The following MYH16 variants were observed in gnomAD, a reference collection of about 807,000 sequenced individuals.
The protein encoded by MYH16 is putative uncharacterized protein MYH16.
chr7:99,262,633 C>T (rs114427590), intron 13 of MYH16, among the ~76,000 whole-genome samples: 2,125 of 152,334 alleles, frequency 0.014, 53 homozygotes, highest in African/African-American at 0.049. Flanking sequence ...CCTCTACTTA[C>T]CTCACTTCTC....
In MYH16 at chr7:99,291,840, T is replaced by C. The variant is rs575962391; in HGVS notation, n.3952+390T>C. ...TGGGCATGGTGGTGAGTGCCTATAA[T>C]CCCAGCTACTTGGGAGGCCGACACA... On this transcript the variant is annotated intron_variant and non_coding_transcript_variant, in intron 31 of 41. Transcript: ENST00000439784. 3.6e-3 allele frequency among the ~76,000 whole-genome samples: 540 copies of C among 151,824 alleles called. 4 individuals carry two copies. Among genetic ancestry groups the C allele is most frequent in the South Asian group, 0.016 (78 of 4,792 alleles).
downstream of MYH16, among the ~76,000 whole-genome samples, chr7:99,307,565 T>TA (rs1025036074): frequency 1.8e-4 from 27 of 149,768 alleles, no homozygotes; most frequent in East Asian, 2.0e-4. Context: ...TCTACAAAAA[T>TA]AAAAAAAAAT....
intron 1 of MYH16, among the ~76,000 whole-genome samples, chr7:99,240,345 G>A (rs1791652991): frequency 2.0e-5 from 3 of 152,102 alleles, no homozygotes; most frequent in Admixed American, 6.6e-5. Flanking sequence ...GCTGCCAAGA[G>A]GGAGGCATGA....
intron 33 of MYH16, among the ~76,000 whole-genome samples, chr7:99,294,773 C>T (rs956036152): frequency 6.6e-6 from 1 of 151,942 alleles, no homozygotes; most frequent in Admixed American, 6.6e-5. Context: ...ATCATGTTGG[C>T]CAGGCTGGTC....
At chr7:99,250,632 C>T (rs1791798496) in intron 5 of MYH16, among the ~76,000 whole-genome samples, 1 of 152,180 alleles carries the variant, frequency 6.6e-6, no homozygotes, top group Non-Finnish European at 1.5e-5. Flanking sequence ...GTCCCAGCTA[C>T]TCAGGGGGCT....
chr7:99,239,552 G>A (rs1563100789), intron 1 of MYH16, among the ~76,000 whole-genome samples: 1 of 152,104 alleles, frequency 6.6e-6, no homozygotes, highest in Non-Finnish European at 1.5e-5. Flanking sequence ...GGATGTGATG[G>A]CTTCCGATGG....
At chr7:99,284,652 C>T (rs1792251895) in intron 25 of MYH16, among the ~76,000 whole-genome samples, 193 bp from the exon 8 acceptor site, 1 of 152,140 alleles carries the variant, frequency 6.6e-6, no homozygotes, top group Admixed American at 6.5e-5. Context: ...ACCTGAGGAG[C>T]TCATTCAGGG....
chr7:99,246,209 AAAAAAAAAAAGAAAGAAAAG>A (rs1791727236), intron 2 of MYH16, among the ~76,000 whole-genome samples: 2 of 151,102 alleles, frequency 1.3e-5, no homozygotes, highest in Non-Finnish European at 3.0e-5. Context: ...CTGTCTCTAA[AAAAAAAAAAAGAAAGAAAAG>A]AAAAAAAAAA....
intron 18 of MYH16, among the ~76,000 whole-genome samples, chr7:99,269,614 C>T (rs1437481285): frequency 6.6e-6 from 1 of 152,132 alleles, no homozygotes; most frequent in South Asian, 2.1e-4. Flanking sequence ...AGCACATATG[C>T]CTGCAGGTCG....
intron 5 of MYH16, among the ~76,000 whole-genome samples, chr7:99,250,776 A>G (rs13438315): frequency 0.11 from 16,449 of 151,994 alleles, 1,291 homozygotes; most frequent in African/African-American, 0.22. Flanking sequence ...GAGGGGTTTC[A>G]GACTGCTCAG....
intron 21 of MYH16, 23 bp from the exon 4 acceptor site, chr7:99,279,487 A>G (rs552913084): frequency 2.2e-6 from 1 of 454,984 alleles, no homozygotes; most frequent in African/African-American, 2.0e-5. Flanking sequence ...CCTGTCCTCG[A>G]CCGGGGCTCT....
At position 99,304,957 on chromosome 7, in the gene MYH16, G is replaced by A. The variant is rs556410819; in HGVS notation, n.5434+201G>A. Among the ~76,000 whole-genome samples the A allele has an allele frequency of 1.4e-4, 21 of 152,260 alleles. No homozygotes were observed. In the South Asian group the frequency reaches 3.7e-3, roughly 27 times the overall value. Reference sequence around the variant, plus strand: ...TCCTAATACTTTAGGAGGCCAAGGCGGGAGGATCGCTTGAGGCCAGGAGTT... The same window carrying A: ...TCCTAATACTTTAGGAGGCCAAGGCAGGAGGATCGCTTGAGGCCAGGAGTT... On this transcript the variant is annotated intron_variant and non_coding_transcript_variant, in intron 40 of 41. Coordinates refer to ENST00000439784, the Ensembl canonical transcript of MYH16.
intron 23 of MYH16, among the ~76,000 whole-genome samples, 156 bp from the exon 6 acceptor site, chr7:99,283,409 C>T (rs1005848571): frequency 3.9e-5 from 6 of 152,220 alleles, no homozygotes; most frequent in South Asian, 2.1e-4. Context: ...CCTTACCCAG[C>T]GCCCAGGAGC....
chr7:99,308,118 A>G (rs905856768), downstream of MYH16, among the ~76,000 whole-genome samples: 2 of 151,940 alleles, frequency 1.3e-5, no homozygotes, highest in Non-Finnish European at 2.9e-5. Flanking sequence ...AAGATACCTG[A>G]AACCCCAACT....
intron 18 of MYH16, among the ~76,000 whole-genome samples, chr7:99,267,388 C>T (rs1343095218): frequency 2.0e-5 from 3 of 152,108 alleles, no homozygotes; most frequent in Non-Finnish European, 4.4e-5. Flanking sequence ...ACCATCACAC[C>T]CAGCTAATTT....
chr7:99,243,841 CCATCCATCCATCCAAA>C (rs1295875596), intron 2 of MYH16, among the ~76,000 whole-genome samples: 1 of 151,696 alleles, frequency 6.6e-6, no homozygotes, highest in African/African-American at 2.4e-5. Context: ...ATTCGTTCAT[CCATCCATCCATCCAAA>C]CATCCATCCA....
At chr7:99,257,036 A>G (rs962484105) in intron 9 of MYH16, among the ~76,000 whole-genome samples, 4 of 152,244 alleles carry the variant, frequency 2.6e-5, no homozygotes, top group Middle Eastern at 3.2e-3. Flanking sequence ...TTGTCACATC[A>G]TTCTGATCTA....
At chr7:99,304,345 C>T (rs1792649788) in intron 39 of MYH16, among the ~76,000 whole-genome samples, 1 of 152,134 alleles carries the variant, frequency 6.6e-6, no homozygotes, top group Non-Finnish European at 1.5e-5. Flanking sequence ...CTTGAGTGTG[C>T]CCAGCTGCTG....
chr7:99,239,551 G>A (rs1284204003), intron 1 of MYH16, among the ~76,000 whole-genome samples: 1 of 152,106 alleles, frequency 6.6e-6, no homozygotes, highest in African/African-American at 2.4e-5. Context: ...TGGATGTGAT[G>A]GCTTCCGATG....
Sources: gnomAD v4.1 joint callset for allele counts (sites outside exome capture counted in the v4.1 genomes callset) on GRCh38, gnomAD v4.1.1 for gene constraint, MANE v1.5 for transcripts, NCBI Gene and HGNC (gene_info 2026-07-23, HGNC 2026-07-21) for gene names.